The following GNPAT variants were observed in gnomAD, a reference collection of about 807,000 sequenced individuals.
GNPAT encodes the protein dihydroxyacetone phosphate acyltransferase.
A neutral mutation model predicts 78.4 loss-of-function variants in GNPAT; 30 were observed. That is an observed-to-expected ratio of 0.38 (90% CI 0.29 to 0.52). The LOEUF is 0.52. GNPAT is among the 20% of genes least tolerant of loss of function. The pLI is 0.84. For missense variants in GNPAT, 714 were observed against 812.2 expected (o/e 0.88, Z 1.47); for synonymous variants, 271 against 281.1 (o/e 0.96, Z 0.36).
intron 1 of GNPAT, among the ~76,000 whole-genome samples, chr1:231,246,791 C>T (rs1416121651): frequency 6.6e-6 from 1 of 152,218 alleles, no homozygotes; most frequent in Non-Finnish European, 1.5e-5. Flanking sequence ...CCAAATTAAT[C>T]AGAAATCTCT....
chr1:231,270,716 G>A, intron 9 of GNPAT, 42 bp from the exon 10 acceptor site: 1 of 1,608,450 alleles, frequency 6.2e-7, no homozygotes, highest in South Asian at 1.1e-5. Flanking sequence ...AAGACTCCCT[G>A]CAGTGACCCA....
chr1:231,277,363 C>G, intron 15 of GNPAT, 136 bp from the exon 16 acceptor site: 1 of 704,684 alleles, frequency 1.4e-6, no homozygotes, highest in Admixed American at 2.1e-5. Flanking sequence ...GCTGGCGTCC[C>G]CATGGGTACT....
intron 1 of GNPAT, among the ~76,000 whole-genome samples, chr1:231,242,662 C>T (rs1684645189): frequency 6.6e-6 from 1 of 152,232 alleles, no homozygotes; most frequent in African/African-American, 2.4e-5. Context: ...GCAGATCCAG[C>T]TTTTAACATG....
chr1:231,242,447 C>T (rs562007623), intron 1 of GNPAT, among the ~76,000 whole-genome samples: 1 of 152,334 alleles, frequency 6.6e-6, no homozygotes, highest in South Asian at 2.1e-4. Context: ...CAAATTGAGA[C>T]ACCAATATTC....
chr1:231,242,073 T>C (rs1684627386), intron 1 of GNPAT, among the ~76,000 whole-genome samples: 1 of 152,186 alleles, frequency 6.6e-6, no homozygotes, highest in South Asian at 2.1e-4. Context: ...TGTCTTTTTT[T>C]CCTCCAACCC....
chr1:231,266,258 C>T lies in GNPAT; in HGVS notation c.925-19C>T, dbSNP rs771100939. 14 of 1,613,834 alleles carry T rather than the reference C, an allele frequency of 8.7e-6. No homozygotes were observed. The highest frequency in any genetic ancestry group is 6.7e-5 in the African/African-American group (5 of 74,780). On this transcript the variant is annotated intron_variant, in intron 7 of 15. Coordinates refer to ENST00000366647, the MANE Select transcript of GNPAT (RefSeq NM_014236.4). ...TTACTGCTTTTCGTTTTCTTCCCCC[C>T]CTGTTATGGTACTATTAGGGGTTGC...
At position 231,260,361 on chromosome 1, in the gene GNPAT, G is replaced by T. The variant is rs1234782762; in HGVS notation, c.262-146G>T. The T allele has an allele frequency of 7.8e-6, 5 of 641,026 alleles. No individual in the cohort carries two copies. In the East Asian group the frequency reaches 1.4e-4, roughly 17 times the overall value. The allele number at this position is 641,026 out of a possible 1,614,324, so 39.7% of individuals were successfully genotyped here. A position where few individuals can be genotyped will look rare whatever the true frequency, so the allele number is the denominator to read the frequency against. ...AGGCTCATTTATCTACTATGACTGT[G>T]TTGGGAAGTTGTCAATTAAGAAGAC... On this transcript the variant is annotated intron_variant, in intron 2 of 15. Coordinates refer to ENST00000366647, the MANE Select transcript of GNPAT (RefSeq NM_014236.4).
intron 1 of GNPAT, among the ~76,000 whole-genome samples, chr1:231,243,078 C>G (rs111465698): frequency 0.012 from 1,766 of 152,354 alleles, 41 homozygotes; most frequent in African/African-American, 0.041. Flanking sequence ...GGAATATATA[C>G]AGTATCCTAC....
chr1:231,256,572 C>T (rs1184175239), intron 2 of GNPAT, among the ~76,000 whole-genome samples: 14 of 135,700 alleles, frequency 1.0e-4, no homozygotes, highest in South Asian at 4.8e-4. Flanking sequence ...CTGCAAGTTC[C>T]GCCTCCCAGG....
At chr1:231,242,247 TA>T (rs1477018759) in intron 1 of GNPAT, among the ~76,000 whole-genome samples, 1 of 152,220 alleles carries the variant, frequency 6.6e-6, no homozygotes. Context: ...TTTTAACCAC[TA>T]AATTAGTTTT....
intron 8 of GNPAT, among the ~76,000 whole-genome samples, chr1:231,266,618 A>G (rs1411843301): frequency 6.6e-6 from 1 of 152,244 alleles, no homozygotes; most frequent in African/African-American, 2.4e-5. Flanking sequence ...GCTGTGAGAT[A>G]TGTATGTCAA....
intron 1 of GNPAT, among the ~76,000 whole-genome samples, chr1:231,246,989 G>A (rs1684767152): frequency 6.6e-6 from 1 of 152,170 alleles, no homozygotes; most frequent in Non-Finnish European, 1.5e-5. Flanking sequence ...CTAACACGGT[G>A]AAACCTCGTC....
intron 9 of GNPAT, among the ~76,000 whole-genome samples, chr1:231,268,212 A>C (rs1355337196): frequency 6.6e-6 from 1 of 151,984 alleles, no homozygotes; most frequent in Non-Finnish European, 1.5e-5. Context: ...CTGAGGCAGG[A>C]GAATGGCATG....
In GNPAT at chr1:231,255,181, T is replaced by C. The variant is rs544638693; in HGVS notation, c.261+4038T>C. 2.6e-5 allele frequency among the ~76,000 whole-genome samples: 4 copies of C among 152,288 alleles called. No homozygotes were observed. The South Asian group carries it at 6.2e-4, about 24-fold the overall frequency. On this transcript the variant is annotated intron_variant, in intron 2 of 15. Coordinates refer to ENST00000366647, the MANE Select transcript of GNPAT (RefSeq NM_014236.4). Reference sequence around the variant, plus strand: ...AAGAAATCCCTTCTCCTGTTTGAGTTTAATCCCTACCCTATTCCTTTGTTC... The same window carrying C: ...AAGAAATCCCTTCTCCTGTTTGAGTCTAATCCCTACCCTATTCCTTTGTTC...
chr1:231,273,904 C>T lies in GNPAT; in HGVS notation c.1603-18C>T. 1.9e-6 allele frequency: 3 copies of T among 1,608,530 alleles called. No homozygotes were observed. The highest frequency in any genetic ancestry group is 2.6e-6 in the Non-Finnish European group (3 of 1,175,280). On this transcript the variant is annotated intron_variant, in intron 11 of 15. Transcript: ENST00000366647. ...CCATTAACCTAGATGAACATTATGG[C>T]TTCCTCTTCCCTTCTAGGACTTTGA...
At chr1:231,250,288 G>T (rs1684857729) in intron 1 of GNPAT, among the ~76,000 whole-genome samples, 1 of 151,890 alleles carries the variant, frequency 6.6e-6, no homozygotes, top group Admixed American at 6.6e-5. Context: ...AGAATTAACT[G>T]GGCTTGGTGG....
chr1:231,270,696 C>T lies in GNPAT; in HGVS notation c.1280-62C>T, dbSNP rs1294648574. The T allele has an allele frequency of 5.8e-6, 9 of 1,545,396 alleles. No individual in the cohort carries two copies. In the South Asian group the frequency reaches 7.8e-5, roughly 13 times the overall value. ...CGTTACCATTAATAACGTTAACGTA[C>T]GCTAGGCCTAAGACTCCCTGCAGTG... On this transcript the variant is annotated intron_variant, in intron 9 of 15. Coordinates refer to ENST00000366647, the MANE Select transcript of GNPAT (RefSeq NM_014236.4).
intron 2 of GNPAT, 67 bp downstream of exon 2, chr1:231,251,210 T>C (rs1347666049): frequency 2.1e-6 from 2 of 937,932 alleles, no homozygotes; most frequent in East Asian, 4.8e-5. Context: ...ATTCTATAAC[T>C]TATTTTGCTA....
chr1:231,272,745 C>T (rs543234016), intron 11 of GNPAT, among the ~76,000 whole-genome samples: 6 of 152,180 alleles, frequency 3.9e-5, no homozygotes, highest in South Asian at 2.1e-4. Flanking sequence ...CCGAGGCAGG[C>T]GGATCACGAG....
Sources: gnomAD v4.1 joint callset for allele counts (sites outside exome capture counted in the v4.1 genomes callset) on GRCh38, gnomAD v4.1.1 for gene constraint, MANE v1.5 for transcripts, NCBI Gene and HGNC (gene_info 2026-07-23, HGNC 2026-07-21) for gene names.